Variants in GOLGA1 observed in about 807,000 individuals in gnomAD.
GOLGA1 encodes golgin A1.
Under a neutral mutation model 119.7 loss-of-function variants are expected in GOLGA1, and 63 were observed. The observed-to-expected ratio is 0.53, with a 90% confidence interval of 0.43 to 0.65. The LOEUF (loss-of-function observed/expected upper bound fraction) is 0.65, where lower values mean the gene tolerates loss of function less well. GOLGA1 is among the 30% of genes least tolerant of loss of function. The pLI is 0.00. For missense variants in GOLGA1, 798 were observed against 912.8 expected (o/e 0.87, Z 1.62); for synonymous variants, 318 against 333.4 (o/e 0.95, Z 0.50).
chr9:124,894,233 C>T (rs1829915669), intron 15 of GOLGA1, among the ~76,000 whole-genome samples: 1 of 152,290 alleles, frequency 6.6e-6, no homozygotes, highest in Middle Eastern at 3.4e-3. Context: ...TCTTCTCTGT[C>T]GGCCCCTCCT....
intron 4 of GOLGA1, among the ~76,000 whole-genome samples, chr9:124,929,887 T>C (rs1270360640): frequency 6.6e-6 from 1 of 152,172 alleles, no homozygotes; most frequent in Non-Finnish European, 1.5e-5. Flanking sequence ...TATGGTTTAG[T>C]GAAAACATAG....
In GOLGA1 at chr9:124,881,327, C is replaced by T. The variant is rs574250717; in HGVS notation, c.2137-70G>A. 1.9e-4 allele frequency: 166 copies of T among 859,452 alleles called. No homozygotes were observed. In the East Asian group the frequency reaches 3.5e-3, roughly 18 times the overall value. The allele number at this position is 859,452 out of a possible 1,614,324, so 53.2% of individuals were successfully genotyped here. A position where few individuals can be genotyped will look rare whatever the true frequency, so the allele number is the denominator to read the frequency against. On this transcript the variant is annotated intron_variant, in intron 21 of 22. Transcript: ENST00000373555. This position sits in a 1 kb window ranked among gnomAD's most constrained non-coding sequence, Gnocchi z 4.9. ...AGGCGGGGTGGGGTCGGGGGAGCTACGTGGCATTTCCTGCTTGCTTTGGTT... is the reference window on the plus strand; with the variant it reads ...AGGCGGGGTGGGGTCGGGGGAGCTATGTGGCATTTCCTGCTTGCTTTGGTT...
chr9:124,928,381 G>T (rs1438610038), intron 5 of GOLGA1, 96 bp from the exon 6 acceptor site: 2 of 607,038 alleles, frequency 3.3e-6, no homozygotes, highest in East Asian at 6.2e-5. Flanking sequence ...AATGAAAAAG[G>T]CCAAAGTCAC....
At chr9:124,933,025 G>A (rs1349565882) in intron 3 of GOLGA1, among the ~76,000 whole-genome samples, 1 of 150,750 alleles carries the variant, frequency 6.6e-6, no homozygotes, top group Non-Finnish European at 1.5e-5. Context: ...ACCACTAGCA[G>A]TATAAGAAGC....
intron 3 of GOLGA1, among the ~76,000 whole-genome samples, 189 bp downstream of exon 3, chr9:124,938,388 A>T (rs1341705949): frequency 6.6e-6 from 1 of 151,654 alleles, no homozygotes; most frequent in Non-Finnish European, 1.5e-5. Flanking sequence ...TAAGGAAAAA[A>T]ATATAGAGTA....
intron 15 of GOLGA1, among the ~76,000 whole-genome samples, chr9:124,891,575 A>T (rs1829854303): frequency 6.6e-6 from 1 of 152,050 alleles, no homozygotes; most frequent in Admixed American, 6.6e-5. Flanking sequence ...TAGCGATTTT[A>T]TTCACCTTCA....
In GOLGA1 at chr9:124,938,877, G is replaced by C. The variant is rs1830936666; in HGVS notation, c.-155-11C>G. ...ATGGCAACACAGGATCTACAAATCA[G>C]ATGAAAGAGACAGTTCAAAAGTTAA... is the stretch of plus-strand genomic sequence containing the variant. On this transcript the variant is annotated splice_polypyrimidine_tract_variant and intron_variant, in intron 2 of 22. Transcript: ENST00000373555. 5.9e-6 allele frequency: 3 copies of C among 507,540 alleles called. No individual in the cohort carries two copies. The highest frequency in any genetic ancestry group is 5.9e-5 in the African/African-American group (3 of 50,780). The allele number at this position is 507,540 out of a possible 1,614,324, so 31.4% of individuals were successfully genotyped here.
chr9:124,894,148 C>A (rs1412959301), intron 15 of GOLGA1, among the ~76,000 whole-genome samples: 1 of 152,170 alleles, frequency 6.6e-6, no homozygotes, highest in South Asian at 2.1e-4. Flanking sequence ...CTTCTTGTAG[C>A]GCTTTCTGCC....
At chr9:124,883,683 G>A (rs1179313369) in intron 19 of GOLGA1, among the ~76,000 whole-genome samples, 1 of 151,776 alleles carries the variant, frequency 6.6e-6, no homozygotes, top group East Asian at 1.9e-4. Context: ...CCTGACCTCA[G>A]GTGGTCCACC....
chr9:124,917,979 A>T (rs1055084102), intron 10 of GOLGA1, among the ~76,000 whole-genome samples: 1 of 151,982 alleles, frequency 6.6e-6, no homozygotes, highest in East Asian at 1.9e-4. Flanking sequence ...CAGCCTCCCA[A>T]GTAGCTGGGA....
intron 15 of GOLGA1, among the ~76,000 whole-genome samples, chr9:124,896,190 G>A (rs1298845214): frequency 1.3e-5 from 2 of 152,142 alleles, no homozygotes; most frequent in Non-Finnish European, 2.9e-5. Context: ...AACGCAGGTG[G>A]ATCACTTGAG....
chr9:124,928,758 A>G (rs1273163252), intron 5 of GOLGA1, among the ~76,000 whole-genome samples: 2 of 152,198 alleles, frequency 1.3e-5, no homozygotes, highest in Non-Finnish European at 2.9e-5. Flanking sequence ...TTCTACTAAC[A>G]TCTTTCTTGG....
At chr9:124,931,247 AT>A in intron 4 of GOLGA1, 68 bp downstream of exon 4, 1 of 786,234 alleles carries the variant, frequency 1.3e-6, no homozygotes, top group Non-Finnish European at 2.3e-6. Context: ...CTATATGGCT[AT>A]TTTATAGGAA....
upstream of GOLGA1, chr9:124,942,784 A>C (rs1831078799): frequency 6.6e-6 from 1 of 152,198 alleles, no homozygotes; most frequent in South Asian, 2.1e-4. Flanking sequence ...AATATTCTCT[A>C]ATCTCGTTAT....
At chr9:124,895,806 G>GA (rs1238627584) in intron 15 of GOLGA1, among the ~76,000 whole-genome samples, 2 of 140,588 alleles carry the variant, frequency 1.4e-5, no homozygotes, top group African/African-American at 5.4e-5. Flanking sequence ...CCCCAACAGA[G>GA]ACCCTCCACA....
chr9:124,926,983 G>A (rs1830687219), intron 6 of GOLGA1, among the ~76,000 whole-genome samples: 1 of 152,160 alleles, frequency 6.6e-6, no homozygotes, highest in South Asian at 2.1e-4. Context: ...ATATAAGCCT[G>A]CAGATTTTTA....
At position 124,900,521 on chromosome 9, in the gene GOLGA1, C is replaced by G. The variant is rs1028431863; in HGVS notation, c.1092G>C (p.Gln364His). The G allele has an allele frequency of 1.3e-6, 2 of 1,592,056 alleles. No homozygotes were observed. Among genetic ancestry groups the G allele is most frequent in the Non-Finnish European group, 1.7e-6 (2 of 1,160,208 alleles). Reference protein sequence around the residue: ...TRVRELEQTLQASEEQLQQSK... With the variant: ...TRVRELEQTLHASEEQLQQSK... ...TCTGTTGGAGCTGCTCCTCAGAGGC[C>G]TGCAAGGTCTGCTCCAGTTCTCTCA... Residue 364 changes from glutamine (Q) to histidine (H), a missense_variant, in exon 13 of 23, where the codon CAG becomes CAC. Coordinates refer to ENST00000373555, the MANE Select transcript of GOLGA1 (RefSeq NM_002077.4).
intron 8 of GOLGA1, among the ~76,000 whole-genome samples, chr9:124,922,259 C>T (rs1830586036): frequency 6.9e-6 from 1 of 145,562 alleles, no homozygotes; most frequent in African/African-American, 2.5e-5. Flanking sequence ...AAGAAAAATA[C>T]ACTTAAATCT....
intron 10 of GOLGA1, among the ~76,000 whole-genome samples, chr9:124,916,132 C>A (rs911363795): frequency 7.3e-5 from 9 of 122,488 alleles, no homozygotes; most frequent in South Asian, 5.6e-4. Flanking sequence ...TAAATAAATA[C>A]ATAAATATAC....
Sources: allele counts gnomAD v4.1 joint callset (sites outside exome capture counted in the v4.1 genomes callset), GRCh38; gene constraint gnomAD v4.1.1; non-coding constraint Gnocchi (gnomAD v3.1); transcripts MANE v1.5; gene names NCBI Gene and HGNC (gene_info 2026-07-23, HGNC 2026-07-21).